The following ANAPC10 variants were observed in gnomAD, a reference collection of about 807,000 sequenced individuals.
ANAPC10 encodes the protein anaphase promoting complex subunit 10.
A neutral mutation model predicts 22.0 loss-of-function variants in ANAPC10; 12 were observed. The observed-to-expected ratio is 0.55, with a 90% CI of 0.35 to 0.88. The LOEUF (loss-of-function observed/expected upper bound fraction) is 0.88. ANAPC10 is among the 40% of genes least tolerant of loss of function. The pLI is 0.01. For synonymous variants in ANAPC10, 65 were observed against 69.5 expected, an observed-to-expected ratio of 0.94 and a Z score of 0.32; for missense variants, 188 against 220.9, an observed-to-expected ratio of 0.85 and a Z score of 0.94.
At chr4:145,001,047 AG>A (rs1732465862) in intron 4 of ANAPC10, among the ~76,000 whole-genome samples, 1 of 152,030 alleles carries the variant, frequency 6.6e-6, no homozygotes, top group Non-Finnish European at 1.5e-5. Context: ...GGTGCAGGGC[AG>A]GGGGAGGGAT....
chr4:145,080,716 T>C (rs1341018904), intron 3 of ANAPC10, among the ~76,000 whole-genome samples: 2 of 152,074 alleles, frequency 1.3e-5, no homozygotes, highest in Non-Finnish European at 2.9e-5. Flanking sequence ...CAGACCAGCC[T>C]GACCAACATG....
At chr4:145,050,161 A>T (rs1035720833) in intron 4 of ANAPC10, among the ~76,000 whole-genome samples, 12 of 152,210 alleles carry the variant, frequency 7.9e-5, no homozygotes, top group Non-Finnish European at 1.3e-4. Context: ...GGAAGTCAAA[A>T]TTATTCCTTG....
intron 3 of ANAPC10, among the ~76,000 whole-genome samples, chr4:145,080,072 C>T (rs754853030): frequency 3.4e-5 from 5 of 147,090 alleles, no homozygotes; most frequent in Non-Finnish European, 7.4e-5. Context: ...AGAGATCACG[C>T]CACTGCGCTC....
intron 4 of ANAPC10, among the ~76,000 whole-genome samples, chr4:145,056,501 TTTA>T (rs1742091810): frequency 6.6e-6 from 1 of 152,162 alleles, no homozygotes; most frequent in Non-Finnish European, 1.5e-5. Flanking sequence ...TCGCTTTCAC[TTTA>T]TGGATTTGCC....
intron 4 of ANAPC10, among the ~76,000 whole-genome samples, chr4:145,016,056 G>A (rs1390430028): frequency 1.3e-5 from 2 of 152,154 alleles, no homozygotes; most frequent in African/African-American, 4.8e-5. Context: ...TTGAAAACTG[G>A]CACGAGACAG....
At chr4:145,059,833 G>A (rs1338512939) in intron 4 of ANAPC10, among the ~76,000 whole-genome samples, 1 of 151,694 alleles carries the variant, frequency 6.6e-6, no homozygotes, top group Non-Finnish European at 1.5e-5. Flanking sequence ...ATGTTCTTTG[G>A]TCCATTGCTC....
rs561904195 is a variant in ANAPC10 at position 145,022,427 on chromosome 4, C to T, written c.328-26824G>A. On this transcript the variant is annotated intron_variant, in intron 4 of 4. Transcript: ENST00000507656. ...AGTCACTCAGGAACGGAGAACCAAA[C>T]ATCGTATATTCTCACTGATATGTGG... 2.0e-5 allele frequency among the ~76,000 whole-genome samples: 3 copies of T among 152,072 alleles called. No individual in the cohort carries two copies. In the South Asian group the frequency reaches 6.2e-4, roughly 32 times the overall value.
chr4:145,040,118 AGT>A (rs1449939432), intron 4 of ANAPC10, among the ~76,000 whole-genome samples: 1 of 102,188 alleles, frequency 9.8e-6, no homozygotes, highest in Non-Finnish European at 1.9e-5. Flanking sequence ...CTTTTGTTTT[AGT>A]GTGTGTGTAT....
At chr4:145,037,566 A>T (rs1362823837) in intron 4 of ANAPC10, among the ~76,000 whole-genome samples, 1 of 152,246 alleles carries the variant, frequency 6.6e-6, no homozygotes, top group East Asian at 1.9e-4. Flanking sequence ...AGGTGGGGGC[A>T]TCATAAATTC....
chr4:145,051,164 C>T (rs563724366), intron 4 of ANAPC10, among the ~76,000 whole-genome samples: 34 of 152,202 alleles, frequency 2.2e-4, no homozygotes, highest in African/African-American at 8.2e-4. Context: ...TTGAATCAAG[C>T]CAATTAATTA....
intron 4 of ANAPC10, among the ~76,000 whole-genome samples, chr4:145,040,137 G>A (rs1302554520): frequency 7.0e-6 from 1 of 143,568 alleles, no homozygotes; most frequent in Non-Finnish European, 1.6e-5. Flanking sequence ...GTATGTGTGT[G>A]TGTGTGTGTG....
intron 4 of ANAPC10, chr4:145,032,924 C>T (rs1432085861): frequency 1.3e-5 from 2 of 152,244 alleles, no homozygotes; most frequent in African/African-American, 4.8e-5. Flanking sequence ...AGACTACCAA[C>T]CGTGGACTCA....
At chr4:145,087,727 T>C (rs1159989856) in intron 2 of ANAPC10, among the ~76,000 whole-genome samples, 1 of 152,138 alleles carries the variant, frequency 6.6e-6, no homozygotes, top group Non-Finnish European at 1.5e-5. Flanking sequence ...AGCAAATAGA[T>C]TATAATATGA....
intron 4 of ANAPC10, among the ~76,000 whole-genome samples, chr4:145,008,588 C>T (rs1041313514): frequency 1.3e-5 from 2 of 152,144 alleles, no homozygotes; most frequent in Non-Finnish European, 2.9e-5. Flanking sequence ...ACAAAAACCA[C>T]ATGATTTTCT....
At chr4:145,060,313 T>C (rs1742700486) in intron 4 of ANAPC10, among the ~76,000 whole-genome samples, 1 of 152,094 alleles carries the variant, frequency 6.6e-6, no homozygotes, top group East Asian at 1.9e-4. Context: ...TCAGGTATAG[T>C]GGTTAAAATA....
intron 2 of ANAPC10, among the ~76,000 whole-genome samples, chr4:145,095,745 C>A (rs908489669): frequency 6.6e-6 from 1 of 152,108 alleles, no homozygotes; most frequent in South Asian, 2.1e-4. Flanking sequence ...TATAATTGTT[C>A]TATTTTATTA....
intron 4 of ANAPC10, 46 bp downstream of exon 4, chr4:145,064,526 G>C (rs1218000674): frequency 6.6e-7 from 1 of 1,515,116 alleles, no homozygotes; most frequent in African/African-American, 1.4e-5. Flanking sequence ...CTTCTAATGA[G>C]TAAAAGTTAA....
In ANAPC10 at chr4:145,021,247, G is replaced by A. The variant is rs1047378859; in HGVS notation, c.328-25644C>T. ...AAGACTAAGCAAAACAACAAATCTG[G>A]AGGCATCACACTACCTGATTTCAAA... On this transcript the variant is annotated intron_variant, in intron 4 of 4. Coordinates refer to ENST00000507656, the MANE Select transcript of ANAPC10 (RefSeq NM_001256706.2). Among the ~76,000 whole-genome samples, 4 of 152,146 alleles carry A rather than the reference G, an allele frequency of 2.6e-5. No individual in the cohort carries two copies. The South Asian group carries it at 8.3e-4, about 31-fold the overall frequency.
intron 3 of ANAPC10, among the ~76,000 whole-genome samples, chr4:145,070,010 ATAATT>A (rs963429697): frequency 5.9e-5 from 9 of 152,190 alleles, no homozygotes; most frequent in African/African-American, 1.2e-4. Context: ...GAATAACTAA[ATAATT>A]TAAAGTCCCT....
Sources: gnomAD v4.1 joint callset for allele counts (sites outside exome capture counted in the v4.1 genomes callset) on GRCh38, gnomAD v4.1.1 for gene constraint, MANE v1.5 for transcripts, NCBI Gene and HGNC (gene_info 2026-07-23, HGNC 2026-07-21) for gene names.